ST8SIA6: variants seen among roughly 807,000 people sequenced by gnomAD.
ST8SIA6 encodes the protein alpha-2,8-sialyltransferase 8F.
In ST8SIA6, 39 loss-of-function variants were observed where a neutral mutation model predicts 33.6. The observed-to-expected ratio is 1.16, with a 90% confidence interval of 0.90 to 1.52. The LOEUF is 1.52. Among genes scored for constraint, ST8SIA6 ranks in the 40% most tolerant of loss-of-function variants. ST8SIA6 has a pLI of 0.00. For missense variants in ST8SIA6, 441 were observed against 443.8 expected (o/e 0.99, Z 0.06); for synonymous variants, 172 against 167.2 (o/e 1.03, Z -0.22).
chr10:17,324,284 C>A (rs537682362), intron 6 of ST8SIA6, among the ~76,000 whole-genome samples: 14 of 151,972 alleles, frequency 9.2e-5, no homozygotes, highest in Non-Finnish European at 2.1e-4. Flanking sequence ...TGTACCATGT[C>A]CTATAAAACA....
At chr10:17,435,067 A>C (rs1852210275) in intron 2 of ST8SIA6, among the ~76,000 whole-genome samples, 1 of 152,180 alleles carries the variant, frequency 6.6e-6, no homozygotes, top group Non-Finnish European at 1.5e-5. Flanking sequence ...GCCCCCTGGA[A>C]AGCCCCCTGA....
chr10:17,451,756 G>A (rs1279096180), intron 2 of ST8SIA6, among the ~76,000 whole-genome samples: 3 of 151,970 alleles, frequency 2.0e-5, no homozygotes, highest in Non-Finnish European at 4.4e-5. Context: ...GTAGTATGGT[G>A]GATTAAAACT....
At chr10:17,450,557 C>T (rs1852870428) in intron 2 of ST8SIA6, among the ~76,000 whole-genome samples, 1 of 152,184 alleles carries the variant, frequency 6.6e-6, no homozygotes, top group Non-Finnish European at 1.5e-5. Context: ...TCTCACCTCT[C>T]AGCCTCCTGA....
At chr10:17,391,382 C>T (rs575980381) in intron 2 of ST8SIA6, among the ~76,000 whole-genome samples, 1 of 152,186 alleles carries the variant, frequency 6.6e-6, no homozygotes, top group Non-Finnish European at 1.5e-5. Context: ...CTGCCTCAGC[C>T]TCCCGAGTGG....
intron 4 of ST8SIA6, among the ~76,000 whole-genome samples, chr10:17,347,953 CAAAAAA>C (rs55996465): frequency 1.5e-5 from 1 of 68,636 alleles, no homozygotes; most frequent in South Asian, 5.7e-4. Context: ...GACTCTGTCT[CAAAAAA>C]AAAAAAAAAA....
At chr10:17,364,142 T>A (rs1323996152) in intron 3 of ST8SIA6, among the ~76,000 whole-genome samples, 2 of 152,250 alleles carry the variant, frequency 1.3e-5, no homozygotes, top group Admixed American at 6.5e-5. Flanking sequence ...TGCCTGTATA[T>A]TGAGCTTAGT....
At chr10:17,351,749 A>G (rs1375849014) in intron 4 of ST8SIA6, among the ~76,000 whole-genome samples, 1 of 152,098 alleles carries the variant, frequency 6.6e-6, no homozygotes, top group Non-Finnish European at 1.5e-5. Context: ...TCATTTGCAG[A>G]CAACAAGAAT....
In ST8SIA6 at chr10:17,319,938, T is replaced by A; in HGVS notation, c.*940A>T. Reference sequence around the variant, plus strand: ...CCCTGCTTCTGTTCCTTGTAGCACTTTATTCATAGCTTTTGTCATTGTAAT... The same window carrying A: ...CCCTGCTTCTGTTCCTTGTAGCACTATATTCATAGCTTTTGTCATTGTAAT... On this transcript the variant is annotated 3_prime_UTR_variant, in exon 8 of 8. Transcript: ENST00000377602. 6.6e-6 allele frequency: 1 copy of A among 152,202 alleles called. No individual in the cohort carries two copies. The allele number at this position is 152,202 out of a possible 1,614,324, so 9.4% of individuals were successfully genotyped here. A position where few individuals can be genotyped will look rare whatever the true frequency, so the allele number is the denominator to read the frequency against.
Position 17,428,925 on chromosome 10 carries a change from T to C in ST8SIA6, c.200+24634A>G, listed in dbSNP as rs900967609. On this transcript the variant is annotated intron_variant, in intron 2 of 7. Transcript: ENST00000377602. ...AGTCAGTCCATGATAACCTGAGATA[T>C]GAATGGGGGTTGAACGCTGTCAACA... Among the ~76,000 whole-genome samples the C allele has an allele frequency of 2.6e-5, 4 of 152,096 alleles. No homozygotes were observed. The East Asian group carries it at 7.7e-4, about 29-fold the overall frequency.
chr10:17,448,760 T>G (rs11595070), intron 2 of ST8SIA6, among the ~76,000 whole-genome samples: 5 of 148,998 alleles, frequency 3.4e-5, no homozygotes, highest in African/African-American at 1.2e-4. Context: ...GGACTACAGG[T>G]GCCCGCCACC....
At chr10:17,369,862 G>T (rs1179907484) in intron 3 of ST8SIA6, among the ~76,000 whole-genome samples, 2 of 152,000 alleles carry the variant, frequency 1.3e-5, no homozygotes, top group African/African-American at 4.8e-5. Flanking sequence ...CTTTCTTGTG[G>T]TTGCTATCTG....
chr10:17,415,804 T>C (rs907210135), intron 2 of ST8SIA6, among the ~76,000 whole-genome samples: 1 of 98,068 alleles, frequency 1.0e-5, no homozygotes, highest in South Asian at 3.5e-4. Context: ...CTCACTTGTC[T>C]TTTTTTTTTT....
intron 2 of ST8SIA6, among the ~76,000 whole-genome samples, chr10:17,400,322 C>T (rs1339180939): frequency 6.6e-6 from 1 of 152,030 alleles, no homozygotes; most frequent in East Asian, 1.9e-4. Flanking sequence ...CACCTAAGGT[C>T]AGAGTTCGAG....
intron 4 of ST8SIA6, among the ~76,000 whole-genome samples, chr10:17,333,672 GATATATATATAT>G (rs1165578414): frequency 9.1e-4 from 32 of 35,206 alleles, no homozygotes; most frequent in East Asian, 3.2e-3. Context: ...ATGGTGCTGG[GATATATATATAT>G]ATATATATAT....
intron 2 of ST8SIA6, among the ~76,000 whole-genome samples, chr10:17,419,814 A>G (rs75527451): frequency 0.017 from 2,651 of 152,242 alleles, 77 homozygotes; most frequent in African/African-American, 0.06. Flanking sequence ...TTTTCCTACA[A>G]TCTTCTTACA....
chr10:17,385,744 G>A (rs543542698), intron 3 of ST8SIA6, among the ~76,000 whole-genome samples: 57 of 152,274 alleles, frequency 3.7e-4, no homozygotes, highest in Non-Finnish European at 7.2e-4. Context: ...CTTGGGCTCA[G>A]AAGCCTGACA....
intron 3 of ST8SIA6, among the ~76,000 whole-genome samples, chr10:17,362,121 C>T (rs757670639): frequency 4.6e-5 from 7 of 152,098 alleles, no homozygotes; most frequent in Non-Finnish European, 7.4e-5. Flanking sequence ...CCACTTTCAC[C>T]ATCTCTATTC....
chr10:17,416,933 G>A (rs1270995653), intron 2 of ST8SIA6, among the ~76,000 whole-genome samples: 1 of 152,146 alleles, frequency 6.6e-6, no homozygotes, highest in African/African-American at 2.4e-5. Context: ...GACTTAGTAG[G>A]TCTATTTCCT....
chr10:17,347,972 AAAATT>A (rs1387337266), intron 4 of ST8SIA6, among the ~76,000 whole-genome samples: 10 of 151,392 alleles, frequency 6.6e-5, no homozygotes, highest in Admixed American at 2.6e-4. Flanking sequence ...AAAAAAAAAA[AAAATT>A]AAAGCTGATT....
Sources: gnomAD v4.1 joint callset for allele counts (sites outside exome capture counted in the v4.1 genomes callset) on GRCh38, gnomAD v4.1.1 for gene constraint, MANE v1.5 for transcripts, NCBI Gene and HGNC (gene_info 2026-07-23, HGNC 2026-07-21) for gene names.